The following NUP37 variants were observed in gnomAD, a reference collection of about 807,000 sequenced individuals.
NUP37 encodes nucleoporin 37.
In NUP37, 33 loss-of-function variants were observed where a neutral mutation model predicts 45.4. The ratio of observed to expected loss-of-function variants is 0.73; its 90% CI spans 0.55 to 0.97. The LOEUF (loss-of-function observed/expected upper bound fraction) is 0.97, where lower values mean the gene tolerates loss of function less well. NUP37 is among the 50% of genes least tolerant of loss of function. The probability of loss-of-function intolerance (pLI) is 0.00; values close to 1 mark genes in which losing one functional copy is unlikely to be tolerated. For synonymous variants in NUP37, 127 were observed against 130.7 expected (o/e 0.97, Z 0.19); for missense variants, 365 against 389.7 (o/e 0.94, Z 0.53).
intron 4 of NUP37, among the ~76,000 whole-genome samples, chr12:102,100,584 C>T (rs1474583931): frequency 6.6e-6 from 1 of 152,112 alleles, no homozygotes; most frequent in Non-Finnish European, 1.5e-5. Flanking sequence ...AAGGTCACAC[C>T]ACGACTAAGT....
chr12:102,078,523 C>T (rs1879247953), intron 6 of NUP37, among the ~76,000 whole-genome samples: 1 of 152,192 alleles, frequency 6.6e-6, no homozygotes, highest in African/African-American at 2.4e-5. Flanking sequence ...CATACTTATG[C>T]AACTGAAGTT....
Position 102,118,415 on chromosome 12 carries a change from AG to A in NUP37, c.103del (p.Leu35Ter), listed in dbSNP as rs1379915834. 2 of 1,613,940 alleles carry A rather than the reference AG, an allele frequency of 1.2e-6. No individual in the cohort carries two copies. Among genetic ancestry groups the A allele is most frequent in the Non-Finnish European group, 1.7e-6 (2 of 1,180,002 alleles). ...NPFENGDSGN[L>X]IAYGGNNYVV... Reference sequence around the variant, plus strand: ...ATAATTATTGCCACCATATGCAATTAGGTTTCCTGAATCCCCATTCTCAAAG... The same window carrying A: ...ATAATTATTGCCACCATATGCAATTAGTTTCCTGAATCCCCATTCTCAAAG... On this transcript the variant is annotated frameshift_variant, in exon 2 of 10. Transcript: ENST00000552283. LOFTEE classifies it high-confidence loss of function.
At chr12:102,109,011 A>G (rs997410824) in intron 3 of NUP37, among the ~76,000 whole-genome samples, 13 of 152,230 alleles carry the variant, frequency 8.5e-5, no homozygotes, top group African/African-American at 2.7e-4. Flanking sequence ...AAGAATACTT[A>G]CTTAAAAAGA....
At chr12:102,075,124 A>G (rs367593141) in intron 8 of NUP37, 30 bp from the exon 9 acceptor site, 8 of 1,365,366 alleles carry the variant, frequency 5.9e-6, no homozygotes, top group Non-Finnish European at 8.3e-6. Context: ...AAAATTAAGT[A>G]TCGTATCCTA....
chr12:102,079,518 C>T (rs563640873), intron 6 of NUP37, among the ~76,000 whole-genome samples: 5 of 152,224 alleles, frequency 3.3e-5, no homozygotes, highest in Admixed American at 6.5e-5. Flanking sequence ...CTGATCAATA[C>T]GTAGCTTTTG....
intron 5 of NUP37, among the ~76,000 whole-genome samples, chr12:102,097,283 C>T (rs185681595): frequency 6.6e-6 from 1 of 152,122 alleles, no homozygotes; most frequent in South Asian, 2.1e-4. Context: ...ATTTGTTGAA[C>T]AATAATATCA....
chr12:102,094,852 T>G (rs921258144), intron 5 of NUP37, among the ~76,000 whole-genome samples: 3 of 152,132 alleles, frequency 2.0e-5, no homozygotes, highest in Non-Finnish European at 4.4e-5. Flanking sequence ...TGGCACATTA[T>G]ATGCACACCT....
At chr12:102,094,919 A>G (rs561793792) in intron 5 of NUP37, among the ~76,000 whole-genome samples, 2 of 152,220 alleles carry the variant, frequency 1.3e-5, no homozygotes, top group South Asian at 2.1e-4. Flanking sequence ...CTTTCACCAT[A>G]AACTTTTATC....
At chr12:102,101,648 C>G (rs1879974574) in intron 3 of NUP37, among the ~76,000 whole-genome samples, 1 of 152,108 alleles carries the variant, frequency 6.6e-6, no homozygotes, top group Admixed American at 6.5e-5. Flanking sequence ...ATTATTTATA[C>G]TTTAAACATT....
chr12:102,118,265 C>T, intron 2 of NUP37, 98 bp downstream of exon 2: 3 of 1,142,178 alleles, frequency 2.6e-6, no homozygotes, highest in South Asian at 1.8e-5. Flanking sequence ...TTTTAACATT[C>T]AAACTCAATA....
chr12:102,114,549 A>C (rs1002825898), intron 2 of NUP37, among the ~76,000 whole-genome samples: 7 of 152,238 alleles, frequency 4.6e-5, no homozygotes, highest in Admixed American at 1.3e-4. Context: ...AAAACTTGCT[A>C]TAATACAAAT....
At chr12:102,101,952 T>A (rs1185583194) in intron 3 of NUP37, among the ~76,000 whole-genome samples, 1 of 152,128 alleles carries the variant, frequency 6.6e-6, no homozygotes, top group Admixed American at 6.6e-5. Flanking sequence ...CTCGAACTCC[T>A]GACCTCAGAT....
chr12:102,112,049 A>G, intron 3 of NUP37, 59 bp downstream of exon 3: 1 of 1,500,936 alleles, frequency 6.7e-7, no homozygotes, highest in Non-Finnish European at 9.1e-7. Flanking sequence ...CAGACTTCCA[A>G]TCATGTAACA....
chr12:102,108,536 C>T (rs539528601), intron 3 of NUP37, among the ~76,000 whole-genome samples: 22 of 152,274 alleles, frequency 1.4e-4, no homozygotes, highest in African/African-American at 4.8e-4. Context: ...AGTCAATACT[C>T]CTTAATAAAC....
At chr12:102,103,045 T>C (rs1880020660) in intron 3 of NUP37, among the ~76,000 whole-genome samples, 1 of 79,404 alleles carries the variant, frequency 1.3e-5, no homozygotes, top group African/African-American at 6.6e-5. Flanking sequence ...GGTTTGTTCT[T>C]TTTTTTGCTC....
intron 2 of NUP37, among the ~76,000 whole-genome samples, chr12:102,112,915 A>G (rs554979173): frequency 6.6e-6 from 1 of 152,350 alleles, no homozygotes; most frequent in East Asian, 1.9e-4. Flanking sequence ...TATGTAATAA[A>G]TAATCTGGCT....
intron 2 of NUP37, among the ~76,000 whole-genome samples, chr12:102,117,013 A>C (rs1372227326): frequency 2.6e-5 from 4 of 152,218 alleles, no homozygotes; most frequent in African/African-American, 9.6e-5. Context: ...AAACAAAACA[A>C]AACAAAAACA....
At chr12:102,092,359 T>C (rs768695238) in intron 5 of NUP37, among the ~76,000 whole-genome samples, 1 of 152,052 alleles carries the variant, frequency 6.6e-6, no homozygotes, top group African/African-American at 2.4e-5. Context: ...ATTAATTAAG[T>C]AAGAAAGAAA....
At chr12:102,119,190 T>C (rs1234861603) in intron 1 of NUP37, 1 of 152,212 alleles carries the variant, frequency 6.6e-6, no homozygotes, top group Non-Finnish European at 1.5e-5. Context: ...AAAAGGGCTA[T>C]AATATAAACA....
Sources: gnomAD v4.1 joint callset for allele counts (sites outside exome capture counted in the v4.1 genomes callset) on GRCh38, gnomAD v4.1.1 for gene constraint, MANE v1.5 for transcripts, NCBI Gene and HGNC (gene_info 2026-07-23, HGNC 2026-07-21) for gene names.